Variants in APPL1 observed in about 807,000 individuals in gnomAD.
APPL1 encodes the protein adaptor protein, phosphotyrosine interacting with PH domain and leucine zipper 1, also known as DCC-interacting protein 13-alpha.
APPL1 carries 42 observed loss-of-function variants against 106.8 expected under a neutral mutation model. The observed-to-expected ratio is 0.39, with a 90% CI of 0.31 to 0.51. The LOEUF (loss-of-function observed/expected upper bound fraction) is 0.51. Ranked by LOEUF, APPL1 falls within the 20% of genes least tolerant of loss-of-function variation. The pLI is 0.75. For missense variants in APPL1, 769 were observed against 858.2 expected (o/e 0.90, Z 1.30); for synonymous variants, 263 against 281.8 (o/e 0.93, Z 0.67).
chr3:57,262,044 T>C (rs1232069960), intron 19 of APPL1, among the ~76,000 whole-genome samples: 1 of 152,210 alleles, frequency 6.6e-6, no homozygotes, highest in African/African-American at 2.4e-5. Flanking sequence ...TTCATATACC[T>C]GTTGGCTGTT....
At chr3:57,257,111 C>G in intron 14 of APPL1, 60 bp downstream of exon 14, 1 of 1,578,706 alleles carries the variant, frequency 6.3e-7, no homozygotes, top group Non-Finnish European at 8.7e-7. Context: ...TATCTGTGAT[C>G]TGGGATTATG....
Position 57,273,035 on chromosome 3 carries a change from T to G in APPL1, c.*3348T>G. Reference sequence around the variant, plus strand: ...TTGGTTTACTCTTCTCCCATGAGATTTTGTCTTTCTACATTAACTAGTAAG... The same window carrying G: ...TTGGTTTACTCTTCTCCCATGAGATGTTGTCTTTCTACATTAACTAGTAAG... On this transcript the variant is annotated 3_prime_UTR_variant, in exon 22 of 22. Coordinates refer to ENST00000288266, the MANE Select transcript of APPL1 (RefSeq NM_012096.3). 6.6e-6 allele frequency: 1 copy of G among 152,668 alleles called. No individual in the cohort carries two copies. The highest frequency in any genetic ancestry group is 1.9e-4 in the East Asian group (1 of 5,196). The allele number at this position is 152,668 out of a possible 1,614,324, so 9.5% of individuals were successfully genotyped here.
At chr3:57,265,152 T>C (rs2060887948) in intron 19 of APPL1, among the ~76,000 whole-genome samples, 1 of 152,032 alleles carries the variant, frequency 6.6e-6, no homozygotes, top group Non-Finnish European at 1.5e-5. Flanking sequence ...TTTTGTTTTT[T>C]TTGTTTGTTC....
intron 11 of APPL1, among the ~76,000 whole-genome samples, chr3:57,251,295 G>A (rs920189248): frequency 4.0e-5 from 6 of 151,326 alleles, no homozygotes; most frequent in Non-Finnish European, 7.4e-5. Context: ...AGGCCAAGGC[G>A]GGTGGATCAC....
intron 10 of APPL1, among the ~76,000 whole-genome samples, chr3:57,248,705 AC>A (rs2060787847): frequency 1.3e-5 from 2 of 152,108 alleles, no homozygotes; most frequent in African/African-American, 4.8e-5. Context: ...CCCCACCTCT[AC>A]TAAAAATACA....
At position 57,227,773 on chromosome 3, in the gene APPL1, G is replaced by A. The variant is rs562898267; in HGVS notation, c.-111G>A. ...GGAGAAGGCTGTGCGGGCGGGGACG[G>A]CTGCAGCCCTTGCCGGAGAGGGCGG... is the stretch of plus-strand genomic sequence containing the variant. On this transcript the variant is annotated 5_prime_UTR_variant, in exon 1 of 22. Coordinates refer to ENST00000288266, the MANE Select transcript of APPL1 (RefSeq NM_012096.3). The A allele has an allele frequency of 5.7e-5, 54 of 943,168 alleles. 2 individuals are homozygous for A. In the Admixed American group the frequency reaches 1.2e-3, roughly 21 times the overall value. The allele number at this position is 943,168 out of a possible 1,614,324, so 58.4% of individuals were successfully genotyped here. A position where few individuals can be genotyped will look rare whatever the true frequency, so the allele number is the denominator to read the frequency against.
intron 1 of APPL1, 26 bp downstream of exon 1, chr3:57,227,963 C>G: frequency 7.1e-7 from 1 of 1,418,002 alleles, no homozygotes; most frequent in Admixed American, 2.4e-5. Flanking sequence ...TGGTGGGCGA[C>G]GAGGGAGAGC....
At chr3:57,262,595 A>AGGCT (rs2060872653) in intron 19 of APPL1, among the ~76,000 whole-genome samples, 1 of 151,140 alleles carries the variant, frequency 6.6e-6, no homozygotes, top group South Asian at 2.1e-4. Context: ...CATGTTGGCC[A>AGGCT]GGCTGGTCTT....
intron 20 of APPL1, 38 bp from the exon 21 acceptor site, chr3:57,268,360 C>A: frequency 6.8e-7 from 1 of 1,477,316 alleles, no homozygotes; most frequent in South Asian, 1.3e-5. Flanking sequence ...AAAGTTATTT[C>A]ATATTTAATT....
chr3:57,240,600 A>G (rs749527239), intron 5 of APPL1, 48 bp downstream of exon 5: 3 of 1,496,050 alleles, frequency 2.0e-6, no homozygotes, highest in Non-Finnish European at 2.8e-6. Context: ...TGAGATCAAC[A>G]CTTGTAAAAT....
intron 1 of APPL1, among the ~76,000 whole-genome samples, chr3:57,229,973 CA>C (rs2060678326): frequency 6.6e-6 from 1 of 152,150 alleles, no homozygotes; most frequent in Non-Finnish European, 1.5e-5. Context: ...CTTGGCCTCT[CA>C]AAGTGCTGGG....
Position 57,269,597 on chromosome 3 carries a change from T to C in APPL1, c.2040T>C (p.Ser680=), listed in dbSNP as rs1426948744. The C allele has an allele frequency of 1.2e-6, 2 of 1,613,854 alleles. No homozygotes were observed. The highest frequency in any genetic ancestry group is 8.5e-7 in the Non-Finnish European group (1 of 1,179,994). The stretch of plus-strand genomic sequence containing the variant: ...CTTCCAGTAGACCAAACCAAGCCAG[T>C]AGTGAGGGGCAGTTTGTTGTCCTTA... ...IAASSRPNQA[S]SEGQFVVLSS... Residue 680 remains serine, a synonymous_variant, in exon 22 of 22, where the codon AGT becomes AGC. Coordinates refer to ENST00000288266, the MANE Select transcript of APPL1 (RefSeq NM_012096.3).
chr3:57,247,658 T>A (rs1553988), intron 9 of APPL1, among the ~76,000 whole-genome samples, 181 bp downstream of exon 9: 2 of 152,214 alleles, frequency 1.3e-5, no homozygotes, highest in Non-Finnish European at 2.9e-5. Flanking sequence ...CCACAGATTG[T>A]GAACTTTGAA....
chr3:57,266,136 A>G (rs1014324551), intron 19 of APPL1, among the ~76,000 whole-genome samples: 2 of 151,984 alleles, frequency 1.3e-5, no homozygotes, highest in South Asian at 4.1e-4. Flanking sequence ...TATTCATGAG[A>G]TATATTGGCC....
chr3:57,257,471 G>A (rs780857590), intron 15 of APPL1, 43 bp downstream of exon 15: 2 of 1,487,926 alleles, frequency 1.3e-6, no homozygotes, highest in South Asian at 1.4e-5. Flanking sequence ...TGGTCTGTAA[G>A]GCTTATAATC....
At position 57,272,975 on chromosome 3, in the gene APPL1, C is replaced by A. The variant is rs1393927386; in HGVS notation, c.*3288C>A. On this transcript the variant is annotated 3_prime_UTR_variant, in exon 22 of 22. Coordinates refer to ENST00000288266, the MANE Select transcript of APPL1 (RefSeq NM_012096.3). ...TTGTATTTTAAATACTTAAACACACCAATTGTAGAAAGCAACCCTTTATTT... is the reference window on the plus strand; with the variant it reads ...TTGTATTTTAAATACTTAAACACACAAATTGTAGAAAGCAACCCTTTATTT... 1 of 152,568 alleles carries A rather than the reference C, an allele frequency of 6.6e-6. No homozygotes were observed. Among genetic ancestry groups the A allele is most frequent in the Non-Finnish European group, 1.5e-5 (1 of 68,028 alleles). The allele number at this position is 152,568 out of a possible 1,614,324, so 9.5% of individuals were successfully genotyped here. A position where few individuals can be genotyped will look rare whatever the true frequency, so the allele number is the denominator to read the frequency against.
At chr3:57,244,241 C>T (rs1035463990) in intron 7 of APPL1, among the ~76,000 whole-genome samples, 3 of 151,830 alleles carry the variant, frequency 2.0e-5, no homozygotes, top group Non-Finnish European at 2.9e-5. Flanking sequence ...CTGCAACCTC[C>T]GCCTCCTGGG....
rs749260036 is a variant in APPL1 at position 57,248,225 on chromosome 3, C to A, written c.737C>A (p.Thr246Asn). Residue 246 changes from threonine (T) to asparagine (N), a missense_variant, in exon 10 of 22, where the codon ACC becomes AAC. Thr to Asn is a moderately conservative substitution (Grantham distance 65). Transcript: ENST00000288266. ...VRREMDSDIETMQQTIEDLEV... is the reference protein window; with the variant it reads ...VRREMDSDIENMQQTIEDLEV... ...AGGGAAATGGACAGTGATATAGAGA[C>A]CATGCAACAGACAATAGAGGATTTG... The A allele has an allele frequency of 4.3e-6, 7 of 1,613,962 alleles. No homozygotes were observed. The highest frequency in any genetic ancestry group is 2.2e-5 in the South Asian group (2 of 91,078).
intron 15 of APPL1, chr3:57,258,622 TTGTAACA>T (rs1360953787): frequency 6.4e-6 from 1 of 157,390 alleles, no homozygotes; most frequent in Non-Finnish European, 1.4e-5. Context: ...TATAGGTAAC[TTGTAACA>T]TGTACTTACA....
Sources: allele counts gnomAD v4.1 joint callset (sites outside exome capture counted in the v4.1 genomes callset), GRCh38; gene constraint gnomAD v4.1.1; transcripts MANE v1.5; gene names NCBI Gene and HGNC (gene_info 2026-07-23, HGNC 2026-07-21).